GNA12: variants seen among roughly 807,000 people sequenced by gnomAD.
GNA12 encodes G protein subunit alpha 12, also known as guanine nucleotide-binding protein subunit alpha-12.
Under a neutral mutation model 26.0 loss-of-function variants are expected in GNA12, and 9 were observed. The ratio of observed to expected loss-of-function variants is 0.35; its 90% CI spans 0.21 to 0.60. The LOEUF (loss-of-function observed/expected upper bound fraction) is 0.60, where lower values mean the gene tolerates loss of function less well. GNA12 is among the 20% of genes least tolerant of loss of function. The probability of loss-of-function intolerance (pLI) is 0.78; values close to 1 mark genes in which losing one functional copy is unlikely to be tolerated. For synonymous variants in GNA12, 264 were observed against 219.6 expected, an observed-to-expected ratio of 1.20 and a Z score of -1.79; for missense variants, 405 against 525.8, an observed-to-expected ratio of 0.77 and a Z score of 2.25.
chr7:2,729,025 A>G lies in GNA12; in HGVS notation c.*2156T>C, dbSNP rs890685730. 1 of 152,410 alleles carries G rather than the reference A, an allele frequency of 6.6e-6. No individual in the cohort carries two copies. Among genetic ancestry groups the G allele is most frequent in the African/African-American group, 2.4e-5 (1 of 41,462 alleles). 9.4% of individuals were successfully genotyped at this position (152,410 alleles called of 1,614,324 possible). ...TCTGGTTTGAAAGTGACGAGTAAAT[A>G]TGTCAGACTGTTTAAAGGAAAACAA... On this transcript the variant is annotated 3_prime_UTR_variant, in exon 4 of 4. Transcript: ENST00000275364.
At chr7:2,733,076 C>T (rs555863218) in intron 3 of GNA12, among the ~76,000 whole-genome samples, 4 of 152,172 alleles carry the variant, frequency 2.6e-5, no homozygotes, top group African/African-American at 4.8e-5. Flanking sequence ...CATTTGCTCC[C>T]GGAGGCCGGG....
intron 2 of GNA12, among the ~76,000 whole-genome samples, chr7:2,735,146 G>A (rs1790101363): frequency 6.6e-6 from 1 of 152,096 alleles, no homozygotes; most frequent in Admixed American, 6.5e-5. Flanking sequence ...CTTCCTCAGC[G>A]CCTCTCTCTC....
rs933959014 is a variant in GNA12, at chr7:2,830,847, C to T, written c.309+13006G>A. On this transcript the variant is annotated intron_variant, in intron 1 of 3. Coordinates refer to ENST00000275364, the MANE Select transcript of GNA12 (RefSeq NM_007353.3). ...TCCTAGCTACCCAGGAGGCTGAGGT[C>T]GGAAGATCACTTGAGCCCAGGAGGT... 9.2e-5 allele frequency among the ~76,000 whole-genome samples: 14 copies of T among 152,050 alleles called. No homozygotes were observed. In the East Asian group the frequency reaches 2.5e-3, roughly 27 times the overall value.
chr7:2,756,680 T>C (rs1166678087), intron 2 of GNA12, among the ~76,000 whole-genome samples: 2 of 152,236 alleles, frequency 1.3e-5, no homozygotes, highest in Non-Finnish European at 2.9e-5. Context: ...ATTTCTGTGC[T>C]GTCAGAATTC....
At chr7:2,793,871 G>C (rs1415910705) in intron 2 of GNA12, among the ~76,000 whole-genome samples, 1 of 121,836 alleles carries the variant, frequency 8.2e-6, no homozygotes, top group Admixed American at 9.4e-5. Flanking sequence ...AACAGCGCGA[G>C]ACTCCATCTC....
intron 2 of GNA12, among the ~76,000 whole-genome samples, chr7:2,789,197 G>A (rs1241764463): frequency 1.4e-4 from 18 of 125,362 alleles, no homozygotes; most frequent in Middle Eastern, 5.8e-3. Context: ...GTGCAGTGGC[G>A]GGATCTCGGC....
At chr7:2,762,399 G>A (rs914628221) in intron 2 of GNA12, 19 of 457,582 alleles carry the variant, frequency 4.2e-5, no homozygotes, top group Non-Finnish European at 7.3e-5. Context: ...CCTCACTGAG[G>A]AAACCAAAGC....
intron 2 of GNA12, 146 bp from the exon 3 acceptor site, chr7:2,733,647 T>C (rs1790014051): frequency 4.6e-6 from 3 of 652,722 alleles, no homozygotes; most frequent in African/African-American, 3.7e-5. Context: ...AGTGTCCGTG[T>C]GTTTTCTAAA....
At chr7:2,786,637 A>T (rs1007825219) in intron 2 of GNA12, among the ~76,000 whole-genome samples, 5 of 152,208 alleles carry the variant, frequency 3.3e-5, no homozygotes, top group African/African-American at 1.2e-4. Flanking sequence ...AAATCCTCTC[A>T]TGCACCTGGT....
intron 1 of GNA12, among the ~76,000 whole-genome samples, chr7:2,798,521 T>C (rs530577257): frequency 2.4e-4 from 37 of 152,254 alleles, no homozygotes; most frequent in African/African-American, 8.4e-4. Context: ...AGGAAAGAAA[T>C]TTTCAAAATC....
intron 1 of GNA12, among the ~76,000 whole-genome samples, chr7:2,809,994 T>C (rs1793040675): frequency 6.6e-6 from 1 of 152,226 alleles, no homozygotes; most frequent in Admixed American, 6.5e-5. Context: ...AGTCTTCTAG[T>C]ATCATTACAA....
chr7:2,784,770 A>G (rs1456156321), intron 2 of GNA12, among the ~76,000 whole-genome samples: 1 of 152,204 alleles, frequency 6.6e-6, no homozygotes, highest in Non-Finnish European at 1.5e-5. Flanking sequence ...TTTAGCATAC[A>G]GAAAACACCT....
intron 1 of GNA12, among the ~76,000 whole-genome samples, chr7:2,816,333 C>T (rs574373836): frequency 3.0e-4 from 45 of 151,928 alleles, no homozygotes; most frequent in African/African-American, 8.9e-4. Flanking sequence ...CTAGTTCAAG[C>T]GATTCTTCTG....
At chr7:2,787,110 C>G (rs559643213) in intron 2 of GNA12, among the ~76,000 whole-genome samples, 1 of 152,214 alleles carries the variant, frequency 6.6e-6, no homozygotes, top group African/African-American at 2.4e-5. Flanking sequence ...CAGAACACAA[C>G]AACCCTGGGG....
chr7:2,743,619 A>C (rs1313901159), intron 2 of GNA12, among the ~76,000 whole-genome samples: 1 of 152,202 alleles, frequency 6.6e-6, no homozygotes, highest in Non-Finnish European at 1.5e-5. Context: ...GCAATGCAGA[A>C]GACGGGTGAT....
intron 1 of GNA12, among the ~76,000 whole-genome samples, chr7:2,838,201 C>G (rs1778893331): frequency 6.6e-6 from 1 of 151,072 alleles, no homozygotes; most frequent in Admixed American, 6.6e-5. Context: ...GGCACTTTGG[C>G]CAGGAGACTG....
rs1789918485 is a variant in GNA12 at position 2,731,923 on chromosome 7, A to G, written c.577-173T>C. On this transcript the variant is annotated intron_variant, in intron 3 of 3. Coordinates refer to ENST00000275364, the MANE Select transcript of GNA12 (RefSeq NM_007353.3). This position sits in a 1 kb window ranked among gnomAD's most constrained non-coding sequence, Gnocchi z 6.0. ...ACATTATCAACTGGCCGTGAAACAGAAAGAATCAAATACTTCATTTCAAAA... is the reference window on the plus strand; with the variant it reads ...ACATTATCAACTGGCCGTGAAACAGGAAGAATCAAATACTTCATTTCAAAA... Among the ~76,000 whole-genome samples, 2 of 152,228 alleles carry G rather than the reference A, an allele frequency of 1.3e-5. No homozygotes were observed. The highest frequency in any genetic ancestry group is 2.1e-4 in the South Asian group (1 of 4,832).
intron 2 of GNA12, among the ~76,000 whole-genome samples, chr7:2,748,694 A>G (rs1208668369): frequency 1.3e-5 from 2 of 152,232 alleles, no homozygotes; most frequent in Non-Finnish European, 2.9e-5. Context: ...TCTGCACAGC[A>G]AAAGAAACTA....
In GNA12 at chr7:2,776,689, C is replaced by T. The variant is rs979971994; in HGVS notation, c.525+18239G>A. Among the ~76,000 whole-genome samples, 5 of 152,190 alleles carry T rather than the reference C, an allele frequency of 3.3e-5. No individual in the cohort carries two copies. The East Asian group carries it at 9.6e-4, about 29-fold the overall frequency. ...CCTTCCTTGCATCACCTCAGCTTGG[C>T]CACCCTGCTCCCACTTGGTGCAGTG... On this transcript the variant is annotated intron_variant, in intron 2 of 3. Transcript: ENST00000275364.
Sources: gnomAD v4.1 joint callset for allele counts (sites outside exome capture counted in the v4.1 genomes callset) on GRCh38, gnomAD v4.1.1 for gene constraint, Gnocchi (gnomAD v3.1) non-coding constraint, MANE v1.5 for transcripts, NCBI Gene and HGNC (gene_info 2026-07-23, HGNC 2026-07-21) for gene names.